Variants in ARK2C observed in about 807,000 individuals in gnomAD.
ARK2C encodes the protein E3 ubiquitin-protein ligase ARK2C.
chr18:46,382,191 C>T, the ARK2C span, among the ~76,000 whole-genome samples: 464 of 152,338 alleles, frequency 3.0e-3, no homozygotes, highest in African/African-American at 0.011. Context: ...ACACCCATCC[C>T]TCCTGGACGG....
At chr18:46,435,245 T>C in the ARK2C span, 5 of 1,574,046 alleles carry the variant, frequency 3.2e-6, no homozygotes, top group Non-Finnish European at 4.4e-6. Flanking sequence ...ACTAGTGGCC[T>C]GGGTAGCCCC....
At chr18:46,357,771 G>A in the ARK2C span, among the ~76,000 whole-genome samples, 5 of 152,242 alleles carry the variant, frequency 3.3e-5, no homozygotes, top group Non-Finnish European at 5.9e-5. Flanking sequence ...AATAGCACAC[G>A]CTGGGTGGCT....
the ARK2C span, among the ~76,000 whole-genome samples, chr18:46,391,502 A>C: frequency 6.6e-6 from 1 of 152,028 alleles, no homozygotes; most frequent in Admixed American, 6.5e-5. Flanking sequence ...TGTGTGTTGA[A>C]CACACTCTGT....
the ARK2C span, among the ~76,000 whole-genome samples, chr18:46,369,014 T>C: frequency 6.6e-6 from 1 of 152,238 alleles, no homozygotes; most frequent in Non-Finnish European, 1.5e-5. Context: ...TATTTAATCA[T>C]GTAGTTTAAG....
At chr18:46,364,338 T>G in the ARK2C span, among the ~76,000 whole-genome samples, 10 of 151,978 alleles carry the variant, frequency 6.6e-5, no homozygotes, top group African/African-American at 9.7e-5. Context: ...CAAAGTTTGC[T>G]TGGGTCAAAA....
the ARK2C span, among the ~76,000 whole-genome samples, chr18:46,445,351 T>C: frequency 2.0e-5 from 3 of 152,186 alleles, no homozygotes; most frequent in African/African-American, 4.8e-5. Flanking sequence ...CTGGGGTCTC[T>C]ATTGTATGAC....
chr18:46,456,904 A>C, the ARK2C span: 1 of 453,184 alleles, frequency 2.2e-6, no homozygotes, highest in Middle Eastern at 6.5e-4. Flanking sequence ...GGCGGGAAGG[A>C]GGGGCCCAGG....
At chr18:46,415,789 T>G in the ARK2C span, among the ~76,000 whole-genome samples, 4 of 152,148 alleles carry the variant, frequency 2.6e-5, no homozygotes, top group Non-Finnish European at 4.4e-5. Context: ...ACTGGATGGT[T>G]GTAGGGCTGA....
chr18:46,440,753 G>A, the ARK2C span, among the ~76,000 whole-genome samples: 1 of 152,108 alleles, frequency 6.6e-6, no homozygotes, highest in East Asian at 1.9e-4. Context: ...GTGATTGGTT[G>A]ATATGTCACA....
the ARK2C span, among the ~76,000 whole-genome samples, chr18:46,391,832 C>A: frequency 2.2e-4 from 33 of 151,786 alleles, no homozygotes; most frequent in South Asian, 4.2e-4. Context: ...AACACATGTA[C>A]AGACCACATA....
the ARK2C span, among the ~76,000 whole-genome samples, chr18:46,399,866 T>C: frequency 6.6e-6 from 1 of 152,168 alleles, no homozygotes; most frequent in Non-Finnish European, 1.5e-5. Flanking sequence ...TCTCTCTAAT[T>C]CCCTGAGGGT....
At chr18:46,459,457 G>C in the ARK2C span, 5 of 152,284 alleles carry the variant, frequency 3.3e-5, no homozygotes, top group African/African-American at 1.2e-4. Context: ...TTTCAGACTG[G>C]GCTGGGGGCA....
At chr18:46,442,886 GA>G in the ARK2C span, among the ~76,000 whole-genome samples, 3 of 152,156 alleles carry the variant, frequency 2.0e-5, no homozygotes, top group Non-Finnish European at 4.4e-5. Flanking sequence ...TTATCATTAT[GA>G]AACATCCTTC....
chr18:46,445,258 C>A, the ARK2C span, among the ~76,000 whole-genome samples: 44 of 152,078 alleles, frequency 2.9e-4, no homozygotes, highest in African/African-American at 1.0e-3. Flanking sequence ...GGTCTTCTTC[C>A]AGCAGGACTA....
chr18:46,358,404 A>G, the ARK2C span, among the ~76,000 whole-genome samples: 1 of 152,176 alleles, frequency 6.6e-6, no homozygotes, highest in South Asian at 2.1e-4. Context: ...ATAGGACAGG[A>G]TCTGCGGACC....
At chr18:46,436,584 A>G in the ARK2C span, among the ~76,000 whole-genome samples, 1 of 152,206 alleles carries the variant, frequency 6.6e-6, no homozygotes, top group Non-Finnish European at 1.5e-5. Context: ...AGCCCTTCCC[A>G]TGCACACCCA....
the ARK2C span, chr18:46,433,058 T>G: frequency 1.6e-6 from 1 of 622,248 alleles, no homozygotes; most frequent in Non-Finnish European, 2.7e-6. Context: ...CCTCTAACAG[T>G]GATGACGCTG....
At chr18:46,420,913 C>T in the ARK2C span, among the ~76,000 whole-genome samples, 5 of 152,130 alleles carry the variant, frequency 3.3e-5, no homozygotes, top group South Asian at 1.0e-3. Flanking sequence ...TTACTTGAGT[C>T]TTTGTTAAAA....
At chr18:46,355,090 C>T in the ARK2C span, among the ~76,000 whole-genome samples, 10 of 151,984 alleles carry the variant, frequency 6.6e-5, no homozygotes, top group Non-Finnish European at 1.0e-4. Flanking sequence ...GCTAGGACTA[C>T]GGGAACATGC....
Sources: gnomAD v4.1 joint callset for allele counts (sites outside exome capture counted in the v4.1 genomes callset) on GRCh38, gnomAD v4.1.1 for gene constraint, MANE v1.5 for transcripts, NCBI Gene and HGNC (gene_info 2026-07-23, HGNC 2026-07-21) for gene names.